The following TNR variants were observed in gnomAD, a reference collection of about 807,000 sequenced individuals.
TNR encodes the protein tenascin-R.
A neutral mutation model predicts 150.4 loss-of-function variants in TNR; 45 were observed. The observed-to-expected ratio is 0.30, with a 90% CI of 0.24 to 0.38. The LOEUF (loss-of-function observed/expected upper bound fraction) is 0.38, where lower values mean the gene tolerates loss of function less well. Among genes scored for constraint, TNR ranks in the 10% least tolerant of loss-of-function variants. TNR has a pLI of 1.00. For synonymous variants in TNR, 687 were observed against 678.4 expected (o/e 1.01, Z -0.20); for missense variants, 1,544 against 1,759.1 (o/e 0.88, Z 2.19).
chr1:175,464,924 GGA>G (rs1045420275), intron 2 of TNR, among the ~76,000 whole-genome samples: 1 of 152,068 alleles, frequency 6.6e-6, no homozygotes, highest in East Asian at 1.9e-4. Flanking sequence ...GTCTTGGAGG[GGA>G]GAGAGAGAGG....
At chr1:175,699,493 A>T (rs1408811981) in intron 1 of TNR, among the ~76,000 whole-genome samples, 2 of 152,178 alleles carry the variant, frequency 1.3e-5, no homozygotes, top group Non-Finnish European at 2.9e-5. Context: ...TTTGCCAGCC[A>T]GTGCAATGGG....
intron 4 of TNR, among the ~76,000 whole-genome samples, chr1:175,402,765 T>A (rs957016126): frequency 2.0e-5 from 3 of 152,154 alleles, no homozygotes; most frequent in Non-Finnish European, 4.4e-5. Context: ...GTGGAACGCT[T>A]GGGATCCCTC....
intron 2 of TNR, among the ~76,000 whole-genome samples, chr1:175,523,869 T>C (rs1659742129): frequency 6.6e-6 from 1 of 152,200 alleles, no homozygotes; most frequent in African/African-American, 2.4e-5. Context: ...ATGTCTGTCA[T>C]TCTGTGAAGC....
At chr1:175,395,231 C>T (rs1164417269) in intron 5 of TNR, among the ~76,000 whole-genome samples, 3 of 152,164 alleles carry the variant, frequency 2.0e-5, no homozygotes, top group Non-Finnish European at 1.5e-5. Flanking sequence ...ATCCTTGCAT[C>T]CTTCAAAGGT....
chr1:175,416,512 T>G (rs1262020204), intron 2 of TNR, among the ~76,000 whole-genome samples: 1 of 152,244 alleles, frequency 6.6e-6, no homozygotes, highest in African/African-American at 2.4e-5. Context: ...TTTCTTGAGC[T>G]TGGAGAACAG....
rs752168990 is a variant in TNR at position 175,324,392 on chromosome 1, G to A, written c.3921C>T (p.Asn1307=). 2 of 1,614,110 alleles carry A rather than the reference G, an allele frequency of 1.2e-6. No individual in the cohort carries two copies. The highest frequency in any genetic ancestry group is 2.2e-5 in the East Asian group (1 of 44,878). Residue 1307 remains asparagine (N), a synonymous_variant, in exon 22 of 23, where the codon AAC becomes AAT. Coordinates refer to ENST00000367674, the MANE Select transcript of TNR (RefSeq NM_003285.3). Reference sequence around the variant, plus strand: ...TGGACTCCCCGTACTTCCCATTGAGGTTGGTCCGGTGGCAGTTCTTATACC... The same window carrying A: ...TGGACTCCCCGTACTTCCCATTGAGATTGGTCCGGTGGCAGTTCTTATACC... ...AWWYKNCHRT[N]LNGKYGESRH...
chr1:175,596,385 G>A (rs1663008982), intron 1 of TNR, among the ~76,000 whole-genome samples: 1 of 152,116 alleles, frequency 6.6e-6, no homozygotes, highest in Non-Finnish European at 1.5e-5. Flanking sequence ...CAGCTGTCAT[G>A]ACGTCTGCCC....
chr1:175,485,544 G>A (rs555486422), intron 2 of TNR, among the ~76,000 whole-genome samples: 8 of 152,192 alleles, frequency 5.3e-5, no homozygotes, highest in Non-Finnish European at 1.0e-4. Flanking sequence ...CCCTAAATAC[G>A]TAGAAGGTGT....
intron 1 of TNR, among the ~76,000 whole-genome samples, chr1:175,566,254 C>T (rs1661639617): frequency 6.6e-6 from 1 of 152,218 alleles, no homozygotes; most frequent in South Asian, 2.1e-4. Flanking sequence ...CAGCCTTTTA[C>T]CCTATGATGT....
Position 175,565,742 on chromosome 1 carries a change from G to A in TNR, c.-164-37373C>T, listed in dbSNP as rs537840977. Reference sequence around the variant, plus strand: ...CTTACTTAAAAGGATGCTCATCAAAGTACTGTTAGAAATACTGAAAAATGA... The same window carrying A: ...CTTACTTAAAAGGATGCTCATCAAAATACTGTTAGAAATACTGAAAAATGA... On this transcript the variant is annotated intron_variant, in intron 1 of 22. Coordinates refer to ENST00000367674, the MANE Select transcript of TNR (RefSeq NM_003285.3). 1.0e-3 allele frequency among the ~76,000 whole-genome samples: 154 copies of A among 152,260 alleles called. 2 individuals are homozygous for A. Among genetic ancestry groups the A allele is most frequent in the African/African-American group, 3.6e-3 (149 of 41,544 alleles).
intron 2 of TNR, among the ~76,000 whole-genome samples, chr1:175,430,037 T>C (rs1343236819): frequency 6.7e-6 from 1 of 149,976 alleles, no homozygotes; most frequent in Non-Finnish European, 1.5e-5. Flanking sequence ...ATCTATTATA[T>C]AATATATCTA....
At chr1:175,331,054 T>TTTCTTTCTTTCCTTCCTTCCTTCCTTCC (rs1557867679) in intron 20 of TNR, among the ~76,000 whole-genome samples, 1 of 105,728 alleles carries the variant, frequency 9.5e-6, no homozygotes, top group African/African-American at 3.9e-5. Flanking sequence ...TCTTTCTTTC[T>TTTCTTTCTTTCCTTCCTTCCTTCCTTCC]TTCTTTCTTT....
At chr1:175,595,158 C>A (rs1395519696) in intron 1 of TNR, among the ~76,000 whole-genome samples, 5 of 152,094 alleles carry the variant, frequency 3.3e-5, no homozygotes, top group Non-Finnish European at 5.9e-5. Flanking sequence ...CAGAGGGAGA[C>A]TCCATCTCAA....
chr1:175,636,046 C>T (rs556041996), intron 1 of TNR, among the ~76,000 whole-genome samples: 2 of 152,130 alleles, frequency 1.3e-5, no homozygotes, highest in Non-Finnish European at 2.9e-5. Flanking sequence ...TCTCTGTATC[C>T]AGGTCCCCAA....
chr1:175,365,185 G>T lies in TNR; in HGVS notation c.2412C>A (p.Leu804=). 6.2e-7 allele frequency: 1 copy of T among 1,614,144 alleles called. No individual in the cohort carries two copies. Among genetic ancestry groups the T allele is most frequent in the Non-Finnish European group, 8.5e-7 (1 of 1,180,010 alleles). Residue 804 remains leucine (L), a synonymous_variant, in exon 12 of 23, where the codon CTC becomes CTA. Transcript: ENST00000367674. ...CATCCCTGGGGCTGTAGTTAAGAAT[G>T]AGTCTGTCTGCTGGGGGAGATGGAT... ...WSDPSPPADR[L]ILNYSPRDEE... is the part of the protein sequence containing the mutation.
chr1:175,469,510 A>G (rs1657183441), intron 2 of TNR, among the ~76,000 whole-genome samples: 1 of 152,062 alleles, frequency 6.6e-6, no homozygotes, highest in South Asian at 2.1e-4. Flanking sequence ...AAATTTATCA[A>G]GCAGGGGACT....
intron 1 of TNR, among the ~76,000 whole-genome samples, chr1:175,616,671 C>G (rs998870483): frequency 1.3e-5 from 2 of 152,114 alleles, no homozygotes; most frequent in East Asian, 3.9e-4. Context: ...ACTGTCTGGG[C>G]GTTGGCATGT....
intron 2 of TNR, among the ~76,000 whole-genome samples, chr1:175,501,352 G>A (rs1278270469): frequency 1.3e-5 from 2 of 152,208 alleles, no homozygotes; most frequent in Non-Finnish European, 2.9e-5. Flanking sequence ...CAGAAGTTGA[G>A]ATCAGCCCCC....
In TNR at chr1:175,477,614, C is replaced by A. The variant is rs1040877963; in HGVS notation, c.-64+50655G>T. ...TGGACAAGCCCACCACAATAGAAAT[C>A]ATACAAATATGAGACCCAGAAAGAT... On this transcript the variant is annotated intron_variant, in intron 2 of 22. Transcript: ENST00000367674. Among the ~76,000 whole-genome samples, 11 of 149,358 alleles carry A rather than the reference C, an allele frequency of 7.4e-5. No homozygotes were observed. In the South Asian group the frequency reaches 2.4e-3, roughly 33 times the overall value.
Sources: allele counts gnomAD v4.1 joint callset (sites outside exome capture counted in the v4.1 genomes callset), GRCh38; gene constraint gnomAD v4.1.1; transcripts MANE v1.5; gene names NCBI Gene and HGNC (gene_info 2026-07-23, HGNC 2026-07-21).